RBFOX1: variants seen among roughly 807,000 people sequenced by gnomAD.
The protein encoded by RBFOX1 is RNA binding protein fox-1 homolog 1.
In RBFOX1, 8 loss-of-function variants were observed where a neutral mutation model predicts 57.7. That is an observed-to-expected ratio of 0.14 (90% CI 0.08 to 0.25). RBFOX1 has a LOEUF of 0.25. RBFOX1 is among the 10% of genes least tolerant of loss of function. The pLI is 1.00. For synonymous variants in RBFOX1, 326 were observed against 222.4 expected, an observed-to-expected ratio of 1.47 and a Z score of -4.15; for missense variants, 611 against 548.5, an observed-to-expected ratio of 1.11 and a Z score of -1.14.
chr16:6,115,900 A>C (rs1434723453), intron 1 of RBFOX1, among the ~76,000 whole-genome samples: 6 of 152,166 alleles, frequency 3.9e-5, no homozygotes, highest in Admixed American at 3.3e-4. Flanking sequence ...TACTATGTGC[A>C]CTAGTGAGGT....
At chr16:6,024,247 G>C (rs369232422) in intron 1 of RBFOX1, among the ~76,000 whole-genome samples, 15 of 152,182 alleles carry the variant, frequency 9.9e-5, no homozygotes, top group African/African-American at 3.4e-4. Flanking sequence ...CCTGTGCTTG[G>C]TGAATAAGGC....
At chr16:7,466,393 C>A (rs1024215019) in intron 4 of RBFOX1, among the ~76,000 whole-genome samples, 1 of 152,176 alleles carries the variant, frequency 6.6e-6, no homozygotes, top group African/African-American at 2.4e-5. Context: ...TAAATTCATA[C>A]CACTTCCCAG....
At chr16:7,528,796 T>C (rs1447889445) in intron 5 of RBFOX1, among the ~76,000 whole-genome samples, 1 of 152,204 alleles carries the variant, frequency 6.6e-6, no homozygotes, top group Non-Finnish European at 1.5e-5. Context: ...ATGAATTCCA[T>C]GCAATTTTTG....
chr16:7,174,561 A>T (rs1034136449), intron 4 of RBFOX1, among the ~76,000 whole-genome samples: 1 of 152,194 alleles, frequency 6.6e-6, no homozygotes, highest in Admixed American at 6.5e-5. Flanking sequence ...CAGGCCAATC[A>T]CTTGAGGTCA....
intron 3 of RBFOX1, among the ~76,000 whole-genome samples, chr16:6,927,965 C>T (rs970723471): frequency 3.3e-5 from 5 of 152,242 alleles, no homozygotes; most frequent in African/African-American, 7.2e-5. Flanking sequence ...GTTGCATCTC[C>T]GTAAAGTTTC....
chr16:6,656,599 GACAC>G (rs60723864), intron 3 of RBFOX1, among the ~76,000 whole-genome samples: 2,884 of 146,386 alleles, frequency 0.02, 35 homozygotes, highest in South Asian at 0.032. Flanking sequence ...GGGGAAAATA[GACAC>G]ACACACACAC....
At chr16:7,434,344 C>T (rs1453212432) in intron 4 of RBFOX1, among the ~76,000 whole-genome samples, 2 of 151,848 alleles carry the variant, frequency 1.3e-5, no homozygotes, top group African/African-American at 2.4e-5. Flanking sequence ...CAGTGGCGGG[C>T]GCCAGTAGTC....
intron 1 of RBFOX1, among the ~76,000 whole-genome samples, chr16:5,346,636 T>G (rs751614025): frequency 6.6e-6 from 1 of 152,226 alleles, no homozygotes; most frequent in Non-Finnish European, 1.5e-5. Context: ...CCTGGGAATT[T>G]TCAGTGCAAT....
chr16:5,665,130 AT>A (rs140848166), intron 3 of RBFOX1, among the ~76,000 whole-genome samples: 1 of 74,988 alleles, frequency 1.3e-5, no homozygotes. Flanking sequence ...ATATTTTTAC[AT>A]GGGGGGGGGC....
chr16:5,482,668 G>C (rs2069586432), intron 2 of RBFOX1, among the ~76,000 whole-genome samples: 1 of 152,178 alleles, frequency 6.6e-6, no homozygotes, highest in South Asian at 2.1e-4. Flanking sequence ...ATGCCTGCTA[G>C]GGGCATGAGG....
chr16:7,290,428 G>T (rs17143284), intron 4 of RBFOX1, among the ~76,000 whole-genome samples: 2 of 152,116 alleles, frequency 1.3e-5, no homozygotes, highest in East Asian at 3.8e-4. Flanking sequence ...CATTAATCTG[G>T]AATGTAAGCT....
At chr16:7,480,693 C>T (rs1472758670) in intron 4 of RBFOX1, among the ~76,000 whole-genome samples, 1 of 152,154 alleles carries the variant, frequency 6.6e-6, no homozygotes, top group Middle Eastern at 3.2e-3. Context: ...AAGCACAGGC[C>T]ACTTTCTGCT....
intron 3 of RBFOX1, among the ~76,000 whole-genome samples, chr16:5,735,205 C>G (rs2052528150): frequency 6.6e-6 from 1 of 152,166 alleles, no homozygotes; most frequent in African/African-American, 2.4e-5. Context: ...GCATCCTTAT[C>G]TCAGTTTAAC....
intron 3 of RBFOX1, among the ~76,000 whole-genome samples, chr16:6,893,774 G>C (rs2066091480): frequency 6.6e-6 from 1 of 152,130 alleles, no homozygotes; most frequent in Admixed American, 6.6e-5. Context: ...GTATCATCTG[G>C]TGAGAAGTAT....
At chr16:6,642,186 C>A (rs1000338831) in intron 2 of RBFOX1, among the ~76,000 whole-genome samples, 4 of 152,204 alleles carry the variant, frequency 2.6e-5, no homozygotes, top group African/African-American at 4.8e-5. Flanking sequence ...CTCGTACTTT[C>A]TCTTCGGTGC....
chr16:6,530,787 T>C (rs979840358), intron 2 of RBFOX1, among the ~76,000 whole-genome samples: 2 of 147,716 alleles, frequency 1.4e-5, no homozygotes, highest in Admixed American at 1.4e-4. Flanking sequence ...TTATTCACTA[T>C]CACTAAAACA....
intron 3 of RBFOX1, among the ~76,000 whole-genome samples, chr16:6,886,707 A>G (rs1259432660): frequency 2.0e-5 from 3 of 151,916 alleles, no homozygotes; most frequent in Non-Finnish European, 2.9e-5. Context: ...CTAAACTGAG[A>G]TCGCACCACC....
At chr16:6,799,689 G>C (rs2084906812) in intron 3 of RBFOX1, among the ~76,000 whole-genome samples, 1 of 152,164 alleles carries the variant, frequency 6.6e-6, no homozygotes, top group African/African-American at 2.4e-5. Flanking sequence ...GAGCTAGTTT[G>C]CTGAGTCTTC....
At chr16:5,287,776 G>A (rs1215773026) in intron 1 of RBFOX1, among the ~76,000 whole-genome samples, 1 of 152,162 alleles carries the variant, frequency 6.6e-6, no homozygotes, top group Non-Finnish European at 1.5e-5. Flanking sequence ...ATATTCCAGT[G>A]GCCAAAGCTA....
Sources: gnomAD v4.1 joint callset for allele counts (sites outside exome capture counted in the v4.1 genomes callset) on GRCh38, gnomAD v4.1.1 for gene constraint, MANE v1.5 for transcripts, NCBI Gene and HGNC (gene_info 2026-07-23, HGNC 2026-07-21) for gene names.